CHKA: variants seen among roughly 807,000 people sequenced by gnomAD.
CHKA encodes the protein CHETK-alpha.
In CHKA, 34 loss-of-function variants were observed where a neutral mutation model predicts 60.1. The ratio of observed to expected loss-of-function variants is 0.57; its 90% CI spans 0.43 to 0.75. CHKA has a LOEUF of 0.75. CHKA is among the 30% of genes least tolerant of loss of function. The pLI is 0.00. For missense variants in CHKA, 563 were observed against 561.3 expected (o/e 1.00, Z -0.03); for synonymous variants, 217 against 223.1 (o/e 0.97, Z 0.24).
In CHKA at chr11:68,120,825, G is replaced by C; in HGVS notation, c.350+3C>G. The C allele has an allele frequency of 1.7e-6, 2 of 1,208,492 alleles. No homozygotes were observed. Among genetic ancestry groups the C allele is most frequent in the Non-Finnish European group, 2.1e-6 (2 of 953,992 alleles). The allele number at this position is 1,208,492 out of a possible 1,614,324, so 74.9% of individuals were successfully genotyped here. On this transcript the variant is annotated splice_donor_region_variant and intron_variant, in intron 1 of 11. Transcript: ENST00000265689. ...CGCGGCCCCCAGACCCGGCGCCACC[G>C]ACCTGATGACACTGATGTGGAACTC... is the stretch of plus-strand genomic sequence containing the variant.
At position 68,119,856 on chromosome 11, in the gene CHKA, C is replaced by T. The variant is rs370192213; in HGVS notation, c.350+972G>A. ...TCGGAGCAGAGTGGTGAAAGAAGGT[C>T]AGACTTCTGTTAAGTCTGAATACCT... is the stretch of plus-strand genomic sequence containing the variant. On this transcript the variant is annotated intron_variant, in intron 1 of 11. Transcript: ENST00000265689. Among the ~76,000 whole-genome samples the T allele has an allele frequency of 2.0e-4, 30 of 152,228 alleles. No homozygotes were observed. The East Asian group carries it at 5.0e-3, about 25-fold the overall frequency.
At chr11:68,112,053 C>CAAAAAAA (rs754639082) in intron 1 of CHKA, among the ~76,000 whole-genome samples, 1 of 20,908 alleles carries the variant, frequency 4.8e-5, no homozygotes, top group Admixed American at 8.8e-4. Context: ...AACTCCGTCT[C>CAAAAAAA]AAAAAAAAAA....
chr11:68,094,349 C>T (rs1857436399), intron 2 of CHKA, among the ~76,000 whole-genome samples: 1 of 152,126 alleles, frequency 6.6e-6, no homozygotes, highest in African/African-American at 2.4e-5. Context: ...TGAGACCATC[C>T]TGGGAAACAT....
rs1285335334 is a variant in CHKA, at chr11:68,121,308, C to CGCGGGGCG, written c.-139_-132dup. On this transcript the variant is annotated 5_prime_UTR_variant, in exon 1 of 12. Coordinates refer to ENST00000265689, the MANE Select transcript of CHKA (RefSeq NM_001277.3). ...GGCAGGGGGCCGCGGCGGTTGGGCG[C>CGCGGGGCG]GCGGGGCGGCGGCGGCGGCTGCGGC... is the stretch of plus-strand genomic sequence containing the variant. The CGCGGGGCG allele has an allele frequency of 7.1e-6, 4 of 566,472 alleles. No homozygotes were observed. In the East Asian group the frequency reaches 4.9e-4, roughly 69 times the overall value. 35.1% of individuals were successfully genotyped at this position (566,472 alleles called of 1,614,324 possible).
intron 2 of CHKA, among the ~76,000 whole-genome samples, chr11:68,087,114 GAATAGCATGTCATC>G (rs1857204816): frequency 6.6e-6 from 1 of 152,146 alleles, no homozygotes; most frequent in Non-Finnish European, 1.5e-5. Flanking sequence ...CAGCTACAAA[GAATAGCATGTCATC>G]AATAGCAAAA....
At chr11:68,115,000 A>G (rs1306068287) in intron 1 of CHKA, among the ~76,000 whole-genome samples, 1 of 152,198 alleles carries the variant, frequency 6.6e-6, no homozygotes, top group African/African-American at 2.4e-5. Context: ...TCGACTATAC[A>G]ATGGTACAAA....
intron 1 of CHKA, among the ~76,000 whole-genome samples, chr11:68,097,634 T>TTA: frequency 3.7e-5 from 1 of 27,134 alleles, no homozygotes; most frequent in Non-Finnish European, 7.4e-5. Flanking sequence ...AGACTCCGTC[T>TTA]CAAAAAAAAA....
At chr11:68,085,146 A>G (rs1047500553) in intron 2 of CHKA, among the ~76,000 whole-genome samples, 15 of 152,148 alleles carry the variant, frequency 9.9e-5, no homozygotes, top group Non-Finnish European at 1.8e-4. Context: ...GTGATGTAGG[A>G]AACAAATGAG....
At chr11:68,072,401 G>A (rs1856646992) in intron 4 of CHKA, among the ~76,000 whole-genome samples, 1 of 151,978 alleles carries the variant, frequency 6.6e-6, no homozygotes, top group Non-Finnish European at 1.5e-5. Flanking sequence ...AACAAAATTA[G>A]TCAAACATGG....
At chr11:68,107,177 G>A (rs941990289) in intron 1 of CHKA, among the ~76,000 whole-genome samples, 1 of 151,952 alleles carries the variant, frequency 6.6e-6, no homozygotes, top group Admixed American at 6.6e-5. Flanking sequence ...GCTTGAACCT[G>A]AGCAGCAGTG....
At chr11:68,055,767 G>A (rs925919770) in intron 11 of CHKA, among the ~76,000 whole-genome samples, 5 of 152,230 alleles carry the variant, frequency 3.3e-5, no homozygotes, top group Admixed American at 2.6e-4. Context: ...GGCTGAGGCC[G>A]GGCGCGGTGG....
intron 3 of CHKA, among the ~76,000 whole-genome samples, chr11:68,080,078 G>T (rs1460315824): frequency 6.6e-6 from 1 of 152,152 alleles, no homozygotes; most frequent in Non-Finnish European, 1.5e-5. Context: ...TTAGCATCAC[G>T]CAGGTCCTGG....
At chr11:68,062,136 G>T in intron 10 of CHKA, 102 bp from the exon 11 acceptor site, 1 of 819,732 alleles carries the variant, frequency 1.2e-6, no homozygotes, top group Non-Finnish European at 2.0e-6. Context: ...TTGTGTGGAT[G>T]CAAACCTAGT....
intron 11 of CHKA, among the ~76,000 whole-genome samples, chr11:68,060,061 C>CT (rs765292727): frequency 5.1e-4 from 76 of 149,778 alleles, no homozygotes; most frequent in Non-Finnish European, 1.1e-3. Flanking sequence ...GAGTCTCGCT[C>CT]TGTCGCCCAG....
Position 68,064,539 on chromosome 11 carries a change from C to A in CHKA, c.1218G>T (p.Leu406Phe). The A allele has an allele frequency of 6.4e-7, 1 of 1,552,208 alleles. No individual in the cohort carries two copies. The highest frequency in any genetic ancestry group is 8.8e-7 in the Non-Finnish European group (1 of 1,142,306). The change falls in exon 10 of 12, where the codon TTG becomes TTT. Residue 406 changes from leucine (L) to phenylalanine (F), a missense_variant. Coordinates refer to ENST00000265689, the MANE Select transcript of CHKA (RefSeq NM_001277.3). ...AAAAATGTTACCTATTAACTTCAAGCAACATTTCTTCTTTTATAATGGATT... is the reference window on the plus strand; with the variant it reads ...AAAAATGTTACCTATTAACTTCAAGAAACATTTCTTCTTTTATAATGGATT... ...EEKSIIKEEM[L>F]LEVNRFALAS...
At chr11:68,100,731 A>G (rs1857683120) in intron 1 of CHKA, among the ~76,000 whole-genome samples, 1 of 151,694 alleles carries the variant, frequency 6.6e-6, no homozygotes, top group African/African-American at 2.4e-5. Context: ...AAGATACTCA[A>G]GCAAAATCTC....
rs1858639741 is a variant in CHKA, at chr11:68,121,260, C to T, written c.-83G>A. ...AGTCCGGCCGGGCGCCCCCTCGCCG[C>T]TCTCTCACTGGCAGGCCGGCGGGGC... is the stretch of plus-strand genomic sequence containing the variant. On this transcript the variant is annotated 5_prime_UTR_variant, in exon 1 of 12. Coordinates refer to ENST00000265689, the MANE Select transcript of CHKA (RefSeq NM_001277.3). 9.6e-7 allele frequency: 1 copy of T among 1,040,884 alleles called. No individual in the cohort carries two copies. Among genetic ancestry groups the T allele is most frequent in the Non-Finnish European group, 1.2e-6 (1 of 861,158 alleles). The allele number at this position is 1,040,884 out of a possible 1,614,324, so 64.5% of individuals were successfully genotyped here.
Position 68,121,293 on chromosome 11 carries a change from C to T in CHKA, c.-116G>A. 1 of 873,448 alleles carries T rather than the reference C, an allele frequency of 1.1e-6. No individual in the cohort carries two copies. Among genetic ancestry groups the T allele is most frequent in the Non-Finnish European group, 1.4e-6 (1 of 717,000 alleles). 54.1% of individuals were successfully genotyped at this position (873,448 alleles called of 1,614,324 possible). On this transcript the variant is annotated 5_prime_UTR_variant, in exon 1 of 12. Coordinates refer to ENST00000265689, the MANE Select transcript of CHKA (RefSeq NM_001277.3). Reference sequence around the variant, plus strand: ...CTGGCAGGCCGGCGGGGCAGGGGGCCGCGGCGGTTGGGCGCGCGGGGCGGC... The same window carrying T: ...CTGGCAGGCCGGCGGGGCAGGGGGCTGCGGCGGTTGGGCGCGCGGGGCGGC...
chr11:68,057,598 C>T (rs1032219050), intron 11 of CHKA, among the ~76,000 whole-genome samples: 1 of 152,146 alleles, frequency 6.6e-6, no homozygotes, highest in Non-Finnish European at 1.5e-5. Flanking sequence ...GGATTACAGG[C>T]GTGAGCCACC....
Sources: allele counts gnomAD v4.1 joint callset (sites outside exome capture counted in the v4.1 genomes callset), GRCh38; gene constraint gnomAD v4.1.1; transcripts MANE v1.5; gene names NCBI Gene and HGNC (gene_info 2026-07-23, HGNC 2026-07-21).